GLRA1: variants seen among roughly 807,000 people sequenced by gnomAD.
The protein encoded by GLRA1 is glycine receptor alpha 1.
GLRA1 carries 37 observed loss-of-function variants against 48.3 expected under a neutral mutation model. The observed-to-expected ratio is 0.77, with a 90% CI of 0.59 to 1.01. The LOEUF (loss-of-function observed/expected upper bound fraction) is 1.01. GLRA1 is among the 50% of genes least tolerant of loss of function. GLRA1 has a pLI of 0.00. For synonymous variants in GLRA1, 196 were observed against 210.7 expected (o/e 0.93, Z 0.60); for missense variants, 427 against 571.0 (o/e 0.75, Z 2.57).
In GLRA1 at chr5:151,924,541, G is replaced by A; in HGVS notation, c.9C>T (p.Ser3=). ...AAAGGTAGAGTCGAAGAGTATTGAA[G>A]CTGTACATTTTTCAGGTCCTTGTGC... MY[S]FNTLRLYLWE... is the part of the protein sequence containing the mutation. Residue 3 remains serine (S), a synonymous_variant, in exon 1 of 9, where the codon AGC becomes AGT. Transcript: ENST00000274576. 6.2e-7 allele frequency: 1 copy of A among 1,602,802 alleles called. No individual in the cohort carries two copies. The highest frequency in any genetic ancestry group is 8.5e-7 in the Non-Finnish European group (1 of 1,169,658).
intron 8 of GLRA1, among the ~76,000 whole-genome samples, chr5:151,823,594 T>A (rs574127184): frequency 1.1e-4 from 17 of 152,318 alleles, no homozygotes; most frequent in African/African-American, 3.4e-4. Flanking sequence ...CACAGCTTCT[T>A]CCTGCCTCTA....
chr5:151,858,315 G>A (rs1753101453), intron 4 of GLRA1, among the ~76,000 whole-genome samples: 1 of 152,200 alleles, frequency 6.6e-6, no homozygotes, highest in South Asian at 2.1e-4. Context: ...GAATGCAGTT[G>A]AATTTCTGCA....
rs548057885 is a variant in GLRA1 at position 151,904,523 on chromosome 5, A to G, written c.57-12085T>C. On this transcript the variant is annotated intron_variant, in intron 1 of 8. Coordinates refer to ENST00000274576, the MANE Select transcript of GLRA1 (RefSeq NM_000171.4). ...TAGCGTGTAGATAGCTCCTGCTCTA[A>G]CTTTTAAATTACTATTTAAAATAAT... Among the ~76,000 whole-genome samples the G allele has an allele frequency of 5.3e-5, 8 of 152,260 alleles. No individual in the cohort carries two copies. In the South Asian group the frequency reaches 1.7e-3, roughly 32 times the overall value.
At chr5:151,895,851 G>A (rs576088487) in intron 1 of GLRA1, among the ~76,000 whole-genome samples, 4 of 152,196 alleles carry the variant, frequency 2.6e-5, no homozygotes, top group East Asian at 3.9e-4. Context: ...CCACAGGCAC[G>A]CAACTAGTGA....
chr5:151,844,635 A>G (rs2113324473), intron 7 of GLRA1, among the ~76,000 whole-genome samples: 1 of 150,126 alleles, frequency 6.7e-6, no homozygotes, highest in East Asian at 1.9e-4. Flanking sequence ...AAAAAAAAAA[A>G]AAAAAAGAAA....
chr5:151,870,181 C>G (rs918575115), intron 3 of GLRA1, among the ~76,000 whole-genome samples: 2 of 149,488 alleles, frequency 1.3e-5, no homozygotes, highest in African/African-American at 2.6e-5. Flanking sequence ...ATGTGACAGA[C>G]AGGTTGGTGC....
intron 3 of GLRA1, among the ~76,000 whole-genome samples, chr5:151,872,243 A>G (rs1266677606): frequency 6.7e-6 from 1 of 149,508 alleles, no homozygotes; most frequent in Non-Finnish European, 1.5e-5. Flanking sequence ...AAATGGATTT[A>G]GGAGATGCAT....
At chr5:151,866,490 A>G (rs763418612) in intron 3 of GLRA1, among the ~76,000 whole-genome samples, 3 of 152,150 alleles carry the variant, frequency 2.0e-5, no homozygotes, top group Non-Finnish European at 4.4e-5. Flanking sequence ...CTTGTGCAAG[A>G]TTGTTGGTGG....
chr5:151,880,555 A>G (rs1753735229), intron 3 of GLRA1, among the ~76,000 whole-genome samples: 1 of 152,176 alleles, frequency 6.6e-6, no homozygotes, highest in Admixed American at 6.5e-5. Context: ...CTAATAATGG[A>G]AATACTGGGA....
At chr5:151,882,850 T>G (rs1753792373) in intron 3 of GLRA1, among the ~76,000 whole-genome samples, 3 of 152,210 alleles carry the variant, frequency 2.0e-5, no homozygotes, top group Non-Finnish European at 2.9e-5. Context: ...AAGTCTTCAT[T>G]TAACATCATT....
chr5:151,875,399 C>T (rs1205083065), intron 3 of GLRA1, among the ~76,000 whole-genome samples: 1 of 152,130 alleles, frequency 6.6e-6, no homozygotes, highest in Non-Finnish European at 1.5e-5. Context: ...GTCTTGAACT[C>T]TTAGCTTCAA....
intron 2 of GLRA1, among the ~76,000 whole-genome samples, chr5:151,888,728 C>G (rs1753982978): frequency 6.6e-6 from 1 of 152,188 alleles, no homozygotes; most frequent in African/African-American, 2.4e-5. Flanking sequence ...CTGGGTGAGT[C>G]TCATGCACAG....
At chr5:151,832,557 A>T (rs1436325049) in intron 7 of GLRA1, among the ~76,000 whole-genome samples, 1 of 152,214 alleles carries the variant, frequency 6.6e-6, no homozygotes, top group Non-Finnish European at 1.5e-5. Context: ...TCAGAGATTG[A>T]AGATCAATTT....
At chr5:151,916,895 A>T (rs1375827430) in intron 1 of GLRA1, among the ~76,000 whole-genome samples, 4 of 152,132 alleles carry the variant, frequency 2.6e-5, no homozygotes, top group Non-Finnish European at 5.9e-5. Flanking sequence ...GGGGATAGGG[A>T]TAGCTCCCTG....
intron 3 of GLRA1, among the ~76,000 whole-genome samples, chr5:151,866,804 T>C (rs1753348193): frequency 6.6e-6 from 1 of 151,858 alleles, no homozygotes; most frequent in Non-Finnish European, 1.5e-5. Context: ...AGTGAGAGGG[T>C]CATAAGAAGT....
At chr5:151,912,706 A>G (rs1297020490) in intron 1 of GLRA1, among the ~76,000 whole-genome samples, 5 of 152,144 alleles carry the variant, frequency 3.3e-5, no homozygotes, top group Non-Finnish European at 7.3e-5. Context: ...TTTGGGGACA[A>G]AGCAATTTGA....
intron 5 of GLRA1, among the ~76,000 whole-genome samples, chr5:151,855,476 G>A (rs1272600765): frequency 2.0e-5 from 3 of 151,986 alleles, no homozygotes; most frequent in Non-Finnish European, 4.4e-5. Context: ...CACCATCCTT[G>A]CCAGCCTCCT....
intron 7 of GLRA1, among the ~76,000 whole-genome samples, chr5:151,840,685 T>G (rs1191154949): frequency 6.9e-6 from 1 of 144,938 alleles, no homozygotes; most frequent in African/African-American, 2.6e-5. Flanking sequence ...ACATACCATG[T>G]AAACAGTAAC....
chr5:151,838,882 C>G (rs1427310885), intron 7 of GLRA1, among the ~76,000 whole-genome samples: 1 of 151,456 alleles, frequency 6.6e-6, no homozygotes, highest in Non-Finnish European at 1.5e-5. Context: ...AAGTCAGAAT[C>G]TTTTTTTTTC....
Sources: allele counts gnomAD v4.1 joint callset (sites outside exome capture counted in the v4.1 genomes callset), GRCh38; gene constraint gnomAD v4.1.1; transcripts MANE v1.5; gene names NCBI Gene and HGNC (gene_info 2026-07-23, HGNC 2026-07-21).